Variants in MAK observed in about 807,000 individuals in gnomAD.
MAK encodes serine/threonine-protein kinase MAK.
In MAK, 65 loss-of-function variants were observed where a neutral mutation model predicts 82.6. That is an observed-to-expected ratio of 0.79 (90% confidence interval 0.64 to 0.97). The LOEUF is 0.97. Among genes scored for constraint, MAK ranks in the 50% least tolerant of loss-of-function variants. The pLI is 0.00. For missense variants in MAK, 703 were observed against 780.2 expected, an observed-to-expected ratio of 0.90 and a Z score of 1.18; for synonymous variants, 250 against 274.2, an observed-to-expected ratio of 0.91 and a Z score of 0.87.
chr6:10,821,790 G>A (rs1035830973), intron 2 of MAK, among the ~76,000 whole-genome samples: 10 of 151,408 alleles, frequency 6.6e-5, no homozygotes, highest in African/African-American at 1.5e-4. Flanking sequence ...TGCTATAACC[G>A]AGCCTGTGAA....
At chr6:10,822,103 C>A (rs1223032950) in intron 2 of MAK, among the ~76,000 whole-genome samples, 2 of 133,506 alleles carry the variant, frequency 1.5e-5, no homozygotes, top group African/African-American at 5.8e-5. Flanking sequence ...GCTGAGATCG[C>A]ACCACTGCAC....
At chr6:10,818,676 A>G (rs2097100048) in intron 3 of MAK, among the ~76,000 whole-genome samples, 1 of 152,098 alleles carries the variant, frequency 6.6e-6, no homozygotes, top group Admixed American at 6.6e-5. Context: ...TTTAAAAGTG[A>G]AAGTGAATTT....
intron 9 of MAK, among the ~76,000 whole-genome samples, chr6:10,792,273 G>A (rs1427118513): frequency 6.6e-6 from 1 of 152,180 alleles, no homozygotes; most frequent in Non-Finnish European, 1.5e-5. Context: ...CTCCTTGAAT[G>A]CAGACACGAC....
At chr6:10,815,912 G>GTACATATATATATATA (rs1554184484) in intron 4 of MAK, among the ~76,000 whole-genome samples, 38 of 108,338 alleles carry the variant, frequency 3.5e-4, no homozygotes, top group Admixed American at 7.7e-4. Flanking sequence ...GCTTTATACA[G>GTACATATATATATATA]TATATATATA....
intron 9 of MAK, among the ~76,000 whole-genome samples, chr6:10,795,173 C>T (rs751686615): frequency 5.3e-5 from 8 of 151,932 alleles, no homozygotes; most frequent in East Asian, 1.9e-4. Context: ...AATTTTAGGC[C>T]GGGCTTGGTG....
At chr6:10,785,329 C>CT (rs1339568975) in intron 10 of MAK, among the ~76,000 whole-genome samples, 2 of 152,202 alleles carry the variant, frequency 1.3e-5, no homozygotes, top group Non-Finnish European at 2.9e-5. Context: ...GCCCATCCCT[C>CT]TGTGTGCTGT....
intron 5 of MAK, among the ~76,000 whole-genome samples, chr6:10,813,150 T>A (rs1777187402): frequency 1.3e-4 from 6 of 46,282 alleles, no homozygotes; most frequent in African/African-American, 7.7e-4. Context: ...TTTTTTTTTT[T>A]TTTTTTTTTT....
chr6:10,764,545 T>C lies in MAK; in HGVS notation c.1854A>G (p.Thr618=). 1 of 1,614,098 alleles carries C rather than the reference T, an allele frequency of 6.2e-7. No individual in the cohort carries two copies. Among genetic ancestry groups the C allele is most frequent in the Non-Finnish European group, 8.5e-7 (1 of 1,179,976 alleles). The change falls in exon 15 of 15, where the codon ACA becomes ACG. Residue 618 remains threonine, a synonymous_variant. Coordinates refer to ENST00000354489, the MANE Select transcript of MAK (RefSeq NM_001242957.3). ...GQFSGRTYNP[T]AKNLNIVNRA... ...GGTTCACAATATTTAGGTTTTTTGC[T>C]GTAGGATTATAAGTACGTCCTGAAA...
intron 8 of MAK, chr6:10,797,944 A>G (rs1477592986): frequency 2.2e-5 from 27 of 1,220,202 alleles, no homozygotes; most frequent in South Asian, 2.9e-5. Flanking sequence ...ACAAATATAC[A>G]TAATTTGAAT....
rs1475298256 is a variant in MAK, at chr6:10,800,974, T to TG, written c.831+917dup. Among the ~76,000 whole-genome samples, 6 of 150,280 alleles carry TG rather than the reference T, an allele frequency of 4.0e-5. No homozygotes were observed. The highest frequency in any genetic ancestry group is 1.5e-4 in the African/African-American group (6 of 39,674). On this transcript the variant is annotated intron_variant, in intron 8 of 14. Coordinates refer to ENST00000354489, the MANE Select transcript of MAK (RefSeq NM_001242957.3). This position sits in a 1 kb window ranked among gnomAD's most constrained non-coding sequence, Gnocchi z 4.2. ...CCACTGAGCCGTCCTCCCCTCTTTG[T>TG]GATGCCACGTTTGTTTACCTTGTGC...
intron 1 of MAK, among the ~76,000 whole-genome samples, chr6:10,833,223 G>C (rs1356654136): frequency 6.6e-6 from 1 of 152,190 alleles, no homozygotes; most frequent in African/African-American, 2.4e-5. Context: ...AACGTGCAGA[G>C]CAGCACAGTA....
chr6:10,829,990 C>G (rs575278407), intron 2 of MAK, among the ~76,000 whole-genome samples: 1 of 151,932 alleles, frequency 6.6e-6, no homozygotes, highest in Admixed American at 6.6e-5. Flanking sequence ...GTGTGCACCA[C>G]CATGCCTGGC....
At chr6:10,836,082 T>C in intron 1 of MAK, among the ~76,000 whole-genome samples, 1 of 152,336 alleles carries the variant, frequency 6.6e-6, no homozygotes, top group Non-Finnish European at 1.5e-5. Flanking sequence ...GCAACACCAA[T>C]TGTCTTTCAA....
chr6:10,810,316 G>C (rs1295789618), intron 5 of MAK, among the ~76,000 whole-genome samples: 2 of 150,734 alleles, frequency 1.3e-5, no homozygotes, highest in African/African-American at 4.9e-5. Context: ...TGTAGCTTTG[G>C]AGCTGGGAAG....
intron 1 of MAK, among the ~76,000 whole-genome samples, chr6:10,837,715 T>C (rs1779243321): frequency 6.6e-6 from 1 of 152,258 alleles, no homozygotes; most frequent in Non-Finnish European, 1.5e-5. Flanking sequence ...TTGAGATTAC[T>C]AACCACTAAA....
chr6:10,806,177 CTTT>C (rs70991047), intron 6 of MAK, among the ~76,000 whole-genome samples: 4 of 140,920 alleles, frequency 2.8e-5, no homozygotes, highest in Non-Finnish European at 4.6e-5. Flanking sequence ...GCCATCTTTT[CTTT>C]TTTTTTTTTT....
intron 2 of MAK, among the ~76,000 whole-genome samples, chr6:10,820,324 C>G (rs571428026): frequency 6.6e-6 from 1 of 152,152 alleles, no homozygotes; most frequent in Non-Finnish European, 1.5e-5. Flanking sequence ...TCCAGAGGCT[C>G]TATGGGGGTA....
At chr6:10,836,831 C>G (rs1225822732) in intron 1 of MAK, among the ~76,000 whole-genome samples, 1 of 152,140 alleles carries the variant, frequency 6.6e-6, no homozygotes, top group East Asian at 1.9e-4. Context: ...CATTTATTGA[C>G]CTTCCTATGG....
At chr6:10,835,053 C>T (rs1455615207) in intron 1 of MAK, among the ~76,000 whole-genome samples, 5 of 152,146 alleles carry the variant, frequency 3.3e-5, no homozygotes, top group African/African-American at 7.2e-5. Context: ...ATGGTCGCAC[C>T]GCTCCCCCGC....
Sources: allele counts gnomAD v4.1 joint callset (sites outside exome capture counted in the v4.1 genomes callset), GRCh38; gene constraint gnomAD v4.1.1; non-coding constraint Gnocchi (gnomAD v3.1); transcripts MANE v1.5; gene names NCBI Gene and HGNC (gene_info 2026-07-23, HGNC 2026-07-21).